Variants in OCA2 observed in about 807,000 individuals in gnomAD.
The protein encoded by OCA2 is P protein.
Under a neutral mutation model 100.2 loss-of-function variants are expected in OCA2, and 77 were observed. The ratio of observed to expected loss-of-function variants is 0.77; its 90% CI spans 0.64 to 0.93. OCA2 has a LOEUF of 0.93. Ranked by LOEUF, OCA2 falls within the 40% of genes least tolerant of loss-of-function variation. OCA2 has a pLI of 0.00. For missense variants in OCA2, 1,062 were observed against 1,089.1 expected (o/e 0.98, Z 0.35); for synonymous variants, 432 against 439.2 (o/e 0.98, Z 0.21).
intron 5 of OCA2, 119 bp from the exon 6 acceptor site, chr15:28,022,692 G>A (rs371336034): frequency 4.4e-5 from 33 of 744,650 alleles, no homozygotes; most frequent in East Asian, 2.3e-4. Context: ...CATCCAGTAC[G>A]CGCCAGCTTA....
At chr15:27,947,939 AG>A (rs368253515) in intron 18 of OCA2, among the ~76,000 whole-genome samples, 231 of 152,342 alleles carry the variant, frequency 1.5e-3, no homozygotes, top group African/African-American at 5.3e-3. Context: ...GCTGTGCCCC[AG>A]GCTGGGTCAG....
chr15:27,728,779 C>T, the OCA2 span, among the ~76,000 whole-genome samples: 1 of 152,290 alleles, frequency 6.6e-6, no homozygotes, highest in South Asian at 2.1e-4. Context: ...TTTTGTGTGA[C>T]AGAATACTCT....
chr15:27,950,621 T>C (rs572158283), intron 18 of OCA2: 1 of 490,222 alleles, frequency 2.0e-6, no homozygotes, highest in Admixed American at 2.2e-5. Context: ...TGCAAATACA[T>C]AACACAAAGC....
intron 23 of OCA2, among the ~76,000 whole-genome samples, chr15:27,760,149 T>C (rs949393541): frequency 6.6e-6 from 1 of 151,938 alleles, no homozygotes; most frequent in Non-Finnish European, 1.5e-5. Flanking sequence ...TTCTAAATAA[T>C]TCATAGATCC....
intron 19 of OCA2, among the ~76,000 whole-genome samples, chr15:27,905,069 C>T (rs758083131): frequency 3.1e-4 from 47 of 150,042 alleles, no homozygotes; most frequent in Non-Finnish European, 6.8e-4. Context: ...GAGGCTGAGG[C>T]AGGAGAATTG....
chr15:27,982,090 G>A (rs2041184550), intron 14 of OCA2, among the ~76,000 whole-genome samples: 1 of 152,206 alleles, frequency 6.6e-6, no homozygotes, highest in East Asian at 1.9e-4. Context: ...ACTATCCCAG[G>A]CAAGAGAGTA....
At chr15:27,733,232 C>G in the OCA2 span, among the ~76,000 whole-genome samples, 2 of 152,216 alleles carry the variant, frequency 1.3e-5, no homozygotes, top group Non-Finnish European at 2.9e-5. Flanking sequence ...TTCATATCTT[C>G]TTTCAGATAG....
chr15:27,975,489 A>C (rs975103597), intron 14 of OCA2, among the ~76,000 whole-genome samples: 1 of 152,174 alleles, frequency 6.6e-6, no homozygotes, highest in Non-Finnish European at 1.5e-5. Flanking sequence ...ACTAAAGTTC[A>C]TTTTTCCTGA....
At chr15:27,781,618 T>G (rs1449706421) in intron 23 of OCA2, among the ~76,000 whole-genome samples, 1 of 152,232 alleles carries the variant, frequency 6.6e-6, no homozygotes, top group Non-Finnish European at 1.5e-5. Flanking sequence ...TAATAACTGC[T>G]TCATCCTTTC....
chr15:27,906,619 C>G (rs1383165616), intron 19 of OCA2, among the ~76,000 whole-genome samples: 1 of 151,720 alleles, frequency 6.6e-6, no homozygotes, highest in Middle Eastern at 3.2e-3. Context: ...TATAAGATTT[C>G]AAGGAAGAAG....
At chr15:27,983,737 T>C (rs1282869046) in intron 13 of OCA2, among the ~76,000 whole-genome samples, 2 of 151,858 alleles carry the variant, frequency 1.3e-5, no homozygotes, top group Non-Finnish European at 2.9e-5. Flanking sequence ...CAGGTACCCT[T>C]TCCCCAATGC....
At chr15:27,766,134 G>A (rs893702857) in intron 23 of OCA2, among the ~76,000 whole-genome samples, 5 of 152,154 alleles carry the variant, frequency 3.3e-5, no homozygotes, top group Non-Finnish European at 7.4e-5. Flanking sequence ...AATATGTTGT[G>A]TAGTCTTAAA....
At chr15:28,061,593 A>G (rs555380237) in intron 2 of OCA2, among the ~76,000 whole-genome samples, 106 of 152,294 alleles carry the variant, frequency 7.0e-4, no homozygotes, top group African/African-American at 2.5e-3. Flanking sequence ...ATATTAAAAG[A>G]GGCCCAGAGA....
chr15:27,812,982 T>C (rs540044890), intron 23 of OCA2, among the ~76,000 whole-genome samples: 7 of 151,996 alleles, frequency 4.6e-5, no homozygotes, highest in Non-Finnish European at 7.4e-5. Flanking sequence ...GAGACTCCCT[T>C]CTGCCCCCTC....
chr15:27,933,577 G>A (rs891467941), intron 18 of OCA2, among the ~76,000 whole-genome samples: 6 of 152,200 alleles, frequency 3.9e-5, no homozygotes, highest in Non-Finnish European at 7.3e-5. Flanking sequence ...AGCGAAGGGA[G>A]TTAGGGATGG....
At chr15:27,814,941 T>TACAG (rs1555410296) in intron 23 of OCA2, among the ~76,000 whole-genome samples, 5 of 85,494 alleles carry the variant, frequency 5.8e-5, no homozygotes, top group East Asian at 2.8e-4. Flanking sequence ...GATAGATAGA[T>TACAG]AGATACAGAG....
intron 14 of OCA2, among the ~76,000 whole-genome samples, chr15:27,969,384 A>G (rs1311851003): frequency 6.6e-6 from 1 of 152,238 alleles, no homozygotes; most frequent in African/African-American, 2.4e-5. Context: ...TTTAGGAAAC[A>G]GGCAGATGCA....
At chr15:27,778,107 T>C (rs1178694098) in intron 23 of OCA2, among the ~76,000 whole-genome samples, 1 of 152,182 alleles carries the variant, frequency 6.6e-6, no homozygotes, top group Non-Finnish European at 1.5e-5. Context: ...TTTTAGAAAT[T>C]CAGATCTCAT....
intron 23 of OCA2, among the ~76,000 whole-genome samples, chr15:27,818,694 G>C (rs2034398409): frequency 1.3e-5 from 2 of 152,182 alleles, no homozygotes; most frequent in African/African-American, 4.8e-5. Context: ...GGAGGAGGCT[G>C]TTGGGAGAAA....
Sources: allele counts gnomAD v4.1 joint callset (sites outside exome capture counted in the v4.1 genomes callset), GRCh38; gene constraint gnomAD v4.1.1; transcripts MANE v1.5; gene names NCBI Gene and HGNC (gene_info 2026-07-23, HGNC 2026-07-21).